PDE8A: variants seen among roughly 807,000 people sequenced by gnomAD.
The protein encoded by PDE8A is phosphodiesterase 8A.
A neutral mutation model predicts 105.0 loss-of-function variants in PDE8A; 59 were observed. The ratio of observed to expected loss-of-function variants is 0.56; its 90% CI spans 0.46 to 0.70. The LOEUF is 0.70. Among genes scored for constraint, PDE8A ranks in the 30% least tolerant of loss-of-function variants. The pLI, the probability that PDE8A is intolerant of heterozygous loss-of-function variation, is 0.00. For missense variants in PDE8A, 1,014 were observed against 1,045.9 expected, an observed-to-expected ratio of 0.97 and a Z score of 0.42; for synonymous variants, 355 against 371.9, an observed-to-expected ratio of 0.95 and a Z score of 0.52.
Position 85,067,235 on chromosome 15 carries a change from C to T in PDE8A, c.434+31C>T, listed in dbSNP as rs766556814. Reference sequence around the variant, plus strand: ...CCCAAGACTCGGGCCTAAATAGTCCCATTGGCCTTTCTGACAATACATGCA... The same window carrying T: ...CCCAAGACTCGGGCCTAAATAGTCCTATTGGCCTTTCTGACAATACATGCA... On this transcript the variant is annotated intron_variant, in intron 3 of 21. Coordinates refer to ENST00000394553, the MANE Select transcript of PDE8A (RefSeq NM_002605.3). The T allele has an allele frequency of 1.3e-5, 19 of 1,511,346 alleles. No individual in the cohort carries two copies. The African/African-American group carries it at 1.9e-4, about 15-fold the overall frequency. 93.6% of individuals were successfully genotyped at this position (1,511,346 alleles called of 1,614,324 possible). A position where few individuals can be genotyped will look rare whatever the true frequency, so the allele number is the denominator to read the frequency against.
chr15:85,057,415 C>G (rs1482079020), intron 1 of PDE8A, among the ~76,000 whole-genome samples: 1 of 152,190 alleles, frequency 6.6e-6, no homozygotes, highest in African/African-American at 2.4e-5. Context: ...GAGGTGGAGT[C>G]TATAGAGGCA....
intron 8 of PDE8A, among the ~76,000 whole-genome samples, chr15:85,095,320 T>G (rs984499425): frequency 1.3e-5 from 2 of 152,170 alleles, no homozygotes; most frequent in African/African-American, 4.8e-5. Flanking sequence ...GTTGTACTAT[T>G]ATTATTCTCA....
chr15:85,051,972 C>A (rs955138132), intron 1 of PDE8A, among the ~76,000 whole-genome samples: 1 of 151,824 alleles, frequency 6.6e-6, no homozygotes, highest in African/African-American at 2.4e-5. Flanking sequence ...CCCCTCCCCC[C>A]TCCCCACACC....
At chr15:85,108,860 C>G (rs2081982341) in intron 11 of PDE8A, among the ~76,000 whole-genome samples, 193 bp from the exon 12 acceptor site, 1 of 152,088 alleles carries the variant, frequency 6.6e-6, no homozygotes, top group African/African-American at 2.4e-5. Context: ...ATCTGTGCAC[C>G]TGGTGGGACA....
intron 1 of PDE8A, among the ~76,000 whole-genome samples, chr15:85,044,166 A>C (rs552068717): frequency 2.6e-5 from 4 of 152,330 alleles, no homozygotes; most frequent in African/African-American, 7.2e-5. Flanking sequence ...GCATTGTGGT[A>C]ACTACTTGAA....
intron 11 of PDE8A, among the ~76,000 whole-genome samples, chr15:85,107,814 G>C (rs553465794): frequency 1.3e-5 from 2 of 152,158 alleles, no homozygotes; most frequent in Non-Finnish European, 2.9e-5. Context: ...TGGCAACATA[G>C]GAATTAATTA....
At chr15:85,047,690 T>C (rs2080908571) in intron 1 of PDE8A, among the ~76,000 whole-genome samples, 1 of 152,242 alleles carries the variant, frequency 6.6e-6, no homozygotes, top group African/African-American at 2.4e-5. Context: ...TAAGTTCACA[T>C]CATAAATTTA....
intron 20 of PDE8A, 138 bp from the exon 21 acceptor site, chr15:85,136,396 G>A (rs2082410089): frequency 2.6e-6 from 2 of 776,668 alleles, no homozygotes; most frequent in East Asian, 5.0e-5. Context: ...TGGTTTGGCT[G>A]CGTGAGGTGG....
rs1477532288 is a variant in PDE8A at position 85,108,967 on chromosome 15, G to C, written c.1037-86G>C. 3 of 921,750 alleles carry C rather than the reference G, an allele frequency of 3.3e-6. No individual in the cohort carries two copies. In the East Asian group the frequency reaches 7.3e-5, roughly 23 times the overall value. 57.1% of individuals were successfully genotyped at this position (921,750 alleles called of 1,614,324 possible). On this transcript the variant is annotated intron_variant, in intron 11 of 21. Coordinates refer to ENST00000394553, the MANE Select transcript of PDE8A (RefSeq NM_002605.3). Reference sequence around the variant, plus strand: ...GCATTTAAAACATTTAAAGTTGAGAGTTTTAAAAAAATTTTAGATTGGTAA... The same window carrying C: ...GCATTTAAAACATTTAAAGTTGAGACTTTTAAAAAAATTTTAGATTGGTAA...
intron 1 of PDE8A, among the ~76,000 whole-genome samples, chr15:85,015,268 C>T (rs1222219865): frequency 1.3e-5 from 2 of 151,604 alleles, no homozygotes; most frequent in African/African-American, 4.9e-5. Context: ...ACAGGGTTGC[C>T]CAGGCTAGAG....
intron 1 of PDE8A, among the ~76,000 whole-genome samples, chr15:85,046,503 T>A (rs921408587): frequency 6.6e-6 from 1 of 152,238 alleles, no homozygotes; most frequent in Non-Finnish European, 1.5e-5. Flanking sequence ...GACTGCACAT[T>A]AATTCCAAAA....
chr15:85,041,362 C>G (rs562079319), intron 1 of PDE8A, among the ~76,000 whole-genome samples: 2 of 152,178 alleles, frequency 1.3e-5, no homozygotes, highest in Admixed American at 1.3e-4. Flanking sequence ...TTGCTTTGAA[C>G]GCACCAACAA....
chr15:85,126,383 C>A lies in PDE8A; in HGVS notation c.2253+9C>A. The A allele has an allele frequency of 1.9e-6, 3 of 1,544,472 alleles. No individual in the cohort carries two copies. Among genetic ancestry groups the A allele is most frequent in the Non-Finnish European group, 8.8e-7 (1 of 1,139,302 alleles). ...AAGAATATTTTTCTCAGGTAAGTTG[C>A]TGCCTCTTTTAAGTTTCTAGAGAGA... On this transcript the variant is annotated intron_variant, in intron 20 of 21. Coordinates refer to ENST00000394553, the MANE Select transcript of PDE8A (RefSeq NM_002605.3).
At chr15:85,073,601 C>T (rs1326742582) in intron 3 of PDE8A, among the ~76,000 whole-genome samples, 1 of 152,244 alleles carries the variant, frequency 6.6e-6, no homozygotes, top group Non-Finnish European at 1.5e-5. Flanking sequence ...AAGCTGAAAG[C>T]TGGTTTGAAA....
chr15:85,122,938 T>C, intron 18 of PDE8A, 123 bp from the exon 19 acceptor site: 1 of 974,482 alleles, frequency 1.0e-6, no homozygotes, highest in Non-Finnish European at 1.5e-6. Context: ...GCCTTGTGGC[T>C]TTCAGTGGCA....
intron 3 of PDE8A, among the ~76,000 whole-genome samples, chr15:85,073,622 C>A (rs911108914): frequency 2.0e-5 from 3 of 152,242 alleles, no homozygotes; most frequent in African/African-American, 7.2e-5. Context: ...TGGCTACATA[C>A]TTAAATTTGC....
chr15:85,072,731 T>C (rs894380235), intron 3 of PDE8A, among the ~76,000 whole-genome samples: 3 of 152,188 alleles, frequency 2.0e-5, no homozygotes, highest in African/African-American at 4.8e-5. Flanking sequence ...GTGAGACAGA[T>C]ACTGTTTAAA....
intron 17 of PDE8A, among the ~76,000 whole-genome samples, chr15:85,119,357 ACTT>A (rs552493484): frequency 3.2e-4 from 48 of 151,544 alleles, no homozygotes; most frequent in African/African-American, 1.1e-3. Context: ...TAATCCAGCT[ACTT>A]GAGAGGCTGA....
At chr15:85,066,933 T>C in intron 2 of PDE8A, 81 bp from the exon 3 acceptor site, 1 of 1,069,298 alleles carries the variant, frequency 9.4e-7, no homozygotes, top group Non-Finnish European at 1.4e-6. Flanking sequence ...AGCAAGACTC[T>C]GTCTCAAGAA....
Sources: gnomAD v4.1 joint callset for allele counts (sites outside exome capture counted in the v4.1 genomes callset) on GRCh38, gnomAD v4.1.1 for gene constraint, MANE v1.5 for transcripts, NCBI Gene and HGNC (gene_info 2026-07-23, HGNC 2026-07-21) for gene names.